Variants in CUX1 observed in about 807,000 individuals in gnomAD.
The protein encoded by CUX1 is cut like homeobox 1.
In CUX1, 31 loss-of-function variants were observed where a neutral mutation model predicts 158.8. The ratio of observed to expected loss-of-function variants is 0.20; its 90% CI spans 0.15 to 0.26. The LOEUF (loss-of-function observed/expected upper bound fraction) is 0.26, where lower values mean the gene tolerates loss of function less well. Ranked by LOEUF, CUX1 falls within the 10% of genes least tolerant of loss-of-function variation. The pLI, the probability that CUX1 is intolerant of heterozygous loss-of-function variation, is 1.00. For missense variants in CUX1, 1,589 were observed against 2,014.6 expected (o/e 0.79, Z 4.04); for synonymous variants, 879 against 862.1 (o/e 1.02, Z -0.34).
At position 102,070,395 on chromosome 7, in the gene CUX1, C is replaced by T. The variant is rs1276363194; in HGVS notation, c.246C>T (p.Tyr82=). The T allele has an allele frequency of 1.9e-6, 3 of 1,610,292 alleles. No homozygotes were observed. The highest frequency in any genetic ancestry group is 1.1e-5 in the South Asian group (1 of 90,340). Residue 82 remains tyrosine (Y), a synonymous_variant, in exon 4 of 24, where the codon TAC becomes TAT. Transcript: ENST00000292535. ...CTGAAGCAGCTTTCTTGAATGTCTA[C>T]AAAAGATTGATTGACGTCCCAGGTA... The part of the protein sequence containing the change: ...KEAEAAFLNV[Y]KRLIDVPDPV...
intron 1 of CUX1, among the ~76,000 whole-genome samples, chr7:101,858,098 G>A (rs1264847718): frequency 1.3e-5 from 2 of 152,176 alleles, no homozygotes; most frequent in African/African-American, 2.4e-5. Flanking sequence ...ACTCCAACCT[G>A]GGCAACAGAG....
At chr7:102,160,786 G>C (rs774860614) in intron 9 of CUX1, among the ~76,000 whole-genome samples, 9 of 152,306 alleles carry the variant, frequency 5.9e-5, no homozygotes, top group Non-Finnish European at 1.0e-4. Context: ...GGGACGAGGA[G>C]AGGAGGGAAA....
chr7:101,915,930 A>G (rs780905393), intron 1 of CUX1, among the ~76,000 whole-genome samples, 185 bp from the exon 2 acceptor site: 1 of 151,880 alleles, frequency 6.6e-6, no homozygotes, highest in African/African-American at 2.4e-5. Flanking sequence ...CGGACGTGGG[A>G]TGGGGGGATA....
Position 102,234,037 on chromosome 7 carries a change from C to T in CUX1, c.3434-15C>T, listed in dbSNP as rs782418764. The stretch of plus-strand genomic sequence containing the variant: ...CTCGGTGACAATACCTGTCTTGCTT[C>T]TGTTTTCTCTCTAGGCCAGCGCTTA... On this transcript the variant is annotated splice_polypyrimidine_tract_variant and intron_variant, in intron 21 of 23. Coordinates refer to ENST00000292535, the MANE Select transcript of CUX1 (RefSeq NM_181552.4). 3 of 1,459,692 alleles carry T rather than the reference C, an allele frequency of 2.1e-6. No individual in the cohort carries two copies. Among genetic ancestry groups the T allele is most frequent in the Non-Finnish European group, 2.7e-6 (3 of 1,100,748 alleles). The allele number at this position is 1,459,692 out of a possible 1,614,324, so 90.4% of individuals were successfully genotyped here.
intron 20 of CUX1, among the ~76,000 whole-genome samples, chr7:102,219,055 A>AACACACACACACACACAC (rs3138788): frequency 0.051 from 6,405 of 126,162 alleles, 240 homozygotes; most frequent in East Asian, 0.099. Context: ...CCTGCCTCAA[A>AACACACACACACACACAC]ACACACACAC....
intron 1 of CUX1, among the ~76,000 whole-genome samples, chr7:101,849,912 A>AT (rs71106570): frequency 0.027 from 3,362 of 124,206 alleles, 281 homozygotes; most frequent in African/African-American, 0.035. Flanking sequence ...GTCTCATGCA[A>AT]TTTTTTTTTT....
At chr7:101,996,066 G>A (rs774135136) in intron 2 of CUX1, among the ~76,000 whole-genome samples, 43 of 151,322 alleles carry the variant, frequency 2.8e-4, no homozygotes, top group South Asian at 2.1e-4. Flanking sequence ...AGATGAGATC[G>A]CGCCACTGCA....
intron 2 of CUX1, among the ~76,000 whole-genome samples, chr7:102,003,149 T>C (rs1308038897): frequency 6.6e-6 from 1 of 152,110 alleles, no homozygotes; most frequent in Non-Finnish European, 1.5e-5. Flanking sequence ...TCTGCCCGCC[T>C]CGGCCTCCCA....
intron 9 of CUX1, among the ~76,000 whole-genome samples, chr7:102,168,336 A>G (rs1409828472): frequency 6.6e-6 from 1 of 152,104 alleles, no homozygotes; most frequent in African/African-American, 2.4e-5. Context: ...CCCTGGGCGG[A>G]CGGAACTGCC....
intron 1 of CUX1, among the ~76,000 whole-genome samples, chr7:101,913,680 G>A (rs1393785461): frequency 6.6e-6 from 1 of 151,998 alleles, no homozygotes; most frequent in Non-Finnish European, 1.5e-5. Flanking sequence ...CAAAGACATC[G>A]GTAGATGCCC....
chr7:102,136,200 A>G (rs62484862), intron 8 of CUX1, among the ~76,000 whole-genome samples: 3 of 152,036 alleles, frequency 2.0e-5, no homozygotes, highest in African/African-American at 7.2e-5. Flanking sequence ...ATTTCTGTCT[A>G]TAATTTCATT....
chr7:102,093,647 G>T lies in CUX1; in HGVS notation c.269-3717G>T, dbSNP rs117150368. On this transcript the variant is annotated intron_variant, in intron 4 of 23. Transcript: ENST00000292535. ...TGGCTGGAATTAACGAGATAATATTGCGTGCACTTAGGAAAAGGTGCTGAA... is the reference window on the plus strand; with the variant it reads ...TGGCTGGAATTAACGAGATAATATTTCGTGCACTTAGGAAAAGGTGCTGAA... Among the ~76,000 whole-genome samples, 1,429 of 152,252 alleles carry T rather than the reference G, an allele frequency of 9.4e-3. 11 individuals are homozygous for T. Among genetic ancestry groups the T allele is most frequent in the Non-Finnish European group, 0.014 (956 of 68,028 alleles).
downstream of CUX1, among the ~76,000 whole-genome samples, chr7:102,259,545 G>A (rs1725572): frequency 0.22 from 32,990 of 152,058 alleles, 3,693 homozygotes; most frequent in South Asian, 0.29. Context: ...CCGAGATTGT[G>A]CCACTGCACT....
intron 2 of CUX1, among the ~76,000 whole-genome samples, chr7:102,013,236 T>C (rs1818233854): frequency 6.6e-6 from 1 of 151,550 alleles, no homozygotes; most frequent in Non-Finnish European, 1.5e-5. Context: ...AGAAAGACAA[T>C]AAGGTACAAA....
At chr7:101,816,190 G>A (rs900753213), upstream of CUX1, 3 of 426,560 alleles carry the variant, frequency 7.0e-6, no homozygotes, top group African/African-American at 2.2e-5. Context: ...GCCGCCGGGG[G>A]GCCCGCGGCG....
At chr7:101,858,632 G>A (rs1409345571) in intron 1 of CUX1, among the ~76,000 whole-genome samples, 2 of 149,696 alleles carry the variant, frequency 1.3e-5, no homozygotes, top group African/African-American at 4.9e-5. Context: ...TTTAGTGAGG[G>A]TATACTTTGG....
intron 1 of CUX1, among the ~76,000 whole-genome samples, chr7:101,857,414 C>T (rs1400026350): frequency 6.6e-6 from 1 of 152,230 alleles, no homozygotes; most frequent in African/African-American, 2.4e-5. Flanking sequence ...AGGCCTTTCA[C>T]CGCTCTTACT....
chr7:102,141,651 C>T (rs1448940161), intron 8 of CUX1, among the ~76,000 whole-genome samples: 1 of 152,232 alleles, frequency 6.6e-6, no homozygotes, highest in South Asian at 2.1e-4. Context: ...GAGACAGGCT[C>T]TCACTCTGTT....
At chr7:102,037,676 C>T (rs973519675) in intron 3 of CUX1, among the ~76,000 whole-genome samples, 13 of 151,910 alleles carry the variant, frequency 8.6e-5, no homozygotes, top group Non-Finnish European at 2.9e-5. Flanking sequence ...ATTTCTTAAA[C>T]AGAAAACCAT....
Sources: allele counts gnomAD v4.1 joint callset (sites outside exome capture counted in the v4.1 genomes callset), GRCh38; gene constraint gnomAD v4.1.1; transcripts MANE v1.5; gene names NCBI Gene and HGNC (gene_info 2026-07-23, HGNC 2026-07-21).